RALGAPA1: variants seen among roughly 807,000 people sequenced by gnomAD.
RALGAPA1 encodes the protein Ral GTPase activating protein catalytic subunit alpha 1.
RALGAPA1 carries 52 observed loss-of-function variants against 269.6 expected under a neutral mutation model. That is an observed-to-expected ratio of 0.19 (90% CI 0.15 to 0.24). RALGAPA1 has a LOEUF of 0.24. Among genes scored for constraint, RALGAPA1 ranks in the 10% least tolerant of loss-of-function variants. The pLI is 1.00. For missense variants in RALGAPA1, 1,917 were observed against 3,013.9 expected (o/e 0.64, Z 8.52); for synonymous variants, 817 against 1,008.3 (o/e 0.81, Z 3.60).
chr14:35,720,752 C>A (rs560851032), intron 16 of RALGAPA1, among the ~76,000 whole-genome samples: 72 of 152,282 alleles, frequency 4.7e-4, no homozygotes, highest in Admixed American at 1.2e-3. Flanking sequence ...CATAGCAAGA[C>A]CCTGTCTCTA....
chr14:35,775,551 C>CA, intron 2 of RALGAPA1, 84 bp downstream of exon 2: 1 of 1,454,814 alleles, frequency 6.9e-7, no homozygotes, highest in Non-Finnish European at 9.1e-7. Context: ...ATAAGTGAAA[C>CA]AATATGTCCA....
chr14:35,723,227 A>G lies in RALGAPA1; in HGVS notation c.1904T>C (p.Val635Ala). Reference protein sequence around the residue: ...IVAWIKANLNVYISRELWDDL... With the variant: ...IVAWIKANLNAYISRELWDDL... ...ATCCCAAAGTTCTCGGGAGATGTAC[A>G]CATTTAGGTTTGCTTTGATCCAGGC... Residue 635 changes from valine to alanine, a missense_variant, in exon 15 of 42, where the codon GTG (valine) becomes GCG (alanine). Val to Ala is a moderately conservative substitution (Grantham distance 64, BLOSUM62 0). This residue lies in a region of RALGAPA1 where 40 missense variants were observed against 112.6 expected (regional missense o/e 0.36). Coordinates refer to ENST00000680220, the MANE Select transcript of RALGAPA1 (RefSeq NM_001346249.2). 1 of 1,612,792 alleles carries G rather than the reference A, an allele frequency of 6.2e-7. No homozygotes were observed. Among genetic ancestry groups the G allele is most frequent in the South Asian group, 1.1e-5 (1 of 91,042 alleles).
chr14:35,635,103 G>A (rs1262053397), intron 32 of RALGAPA1, among the ~76,000 whole-genome samples: 2 of 151,992 alleles, frequency 1.3e-5, no homozygotes, highest in Non-Finnish European at 2.9e-5. Context: ...TCCAGGAGAC[G>A]GAGGTTGCAG....
intron 11 of RALGAPA1, among the ~76,000 whole-genome samples, chr14:35,742,107 G>A (rs1013100049): frequency 2.0e-5 from 3 of 152,134 alleles, no homozygotes; most frequent in African/African-American, 7.2e-5. Context: ...CTTTATAACA[G>A]TACCTAATTT....
At chr14:35,795,308 G>C (rs183071279) in intron 1 of RALGAPA1, among the ~76,000 whole-genome samples, 1 of 152,038 alleles carries the variant, frequency 6.6e-6, no homozygotes. Context: ...GAGTTCACAC[G>C]ACACAGCACC....
intron 35 of RALGAPA1, among the ~76,000 whole-genome samples, chr14:35,606,835 T>C (rs540909605): frequency 4.6e-4 from 70 of 152,118 alleles, no homozygotes; most frequent in African/African-American, 1.7e-3. Context: ...AACCAAATTT[T>C]CCCACACGTC....
chr14:35,706,075 C>G (rs557838487), intron 16 of RALGAPA1, among the ~76,000 whole-genome samples: 2 of 152,080 alleles, frequency 1.3e-5, no homozygotes, highest in African/African-American at 4.8e-5. Flanking sequence ...AGATTTTCTC[C>G]CCATCTGTGA....
chr14:35,540,970 T>C (rs1043289642), intron 41 of RALGAPA1, among the ~76,000 whole-genome samples: 13 of 151,928 alleles, frequency 8.6e-5, no homozygotes, highest in Non-Finnish European at 1.6e-4. Flanking sequence ...AAACAAAAAG[T>C]TCAGTAAGGG....
chr14:35,808,725 C>A lies in RALGAPA1; in HGVS notation c.106+5G>T. The A allele has an allele frequency of 6.2e-7, 1 of 1,611,186 alleles. No homozygotes were observed. Among genetic ancestry groups the A allele is most frequent in the Non-Finnish European group, 8.5e-7 (1 of 1,178,822 alleles). The stretch of plus-strand genomic sequence containing the variant: ...GCCTCGGCGCTGCCACCCCTCGCTC[C>A]TCACCGATGACGATGCGCAGGTGCT... On this transcript the variant is annotated splice_donor_5th_base_variant and intron_variant, in intron 1 of 41. Coordinates refer to ENST00000680220, the MANE Select transcript of RALGAPA1 (RefSeq NM_001346249.2).
intron 1 of RALGAPA1, among the ~76,000 whole-genome samples, chr14:35,788,028 G>A (rs1205622098): frequency 6.6e-6 from 1 of 152,158 alleles, no homozygotes; most frequent in Non-Finnish European, 1.5e-5. Flanking sequence ...CTGGAGTGCA[G>A]TGGTGTGATC....
intron 37 of RALGAPA1, among the ~76,000 whole-genome samples, chr14:35,589,667 G>T (rs1460863647): frequency 1.3e-5 from 2 of 151,934 alleles, no homozygotes; most frequent in African/African-American, 4.8e-5. Flanking sequence ...TTATGCCCAT[G>T]GAGCCCTGAT....
chr14:35,700,108 C>T (rs2067222484), intron 17 of RALGAPA1, 54 bp downstream of exon 17: 1 of 1,450,890 alleles, frequency 6.9e-7, no homozygotes, highest in Non-Finnish European at 9.1e-7. Context: ...AATTTGAAAG[C>T]AGAGGATTAA....
chr14:35,775,784 T>C (rs750221281), intron 1 of RALGAPA1, 39 bp from the exon 2 acceptor site: 2 of 1,469,214 alleles, frequency 1.4e-6, no homozygotes, highest in South Asian at 1.5e-5. Flanking sequence ...TTTACATGTA[T>C]GTTAAATCAA....
Position 35,539,812 on chromosome 14 carries a change from A to G in RALGAPA1, c.*24-122T>C, listed in dbSNP as rs1429786643. Reference sequence around the variant, plus strand: ...CTTAATAAGATCTTTCGAGGGAAAAAGCAAGCCCCAAACTTGCTTGTTACA... The same window carrying G: ...CTTAATAAGATCTTTCGAGGGAAAAGGCAAGCCCCAAACTTGCTTGTTACA... On this transcript the variant is annotated intron_variant, in intron 41 of 41. Coordinates refer to ENST00000680220, the MANE Select transcript of RALGAPA1 (RefSeq NM_001346249.2). 7 of 1,414,144 alleles carry G rather than the reference A, an allele frequency of 4.9e-6. No homozygotes were observed. The African/African-American group carries it at 8.6e-5, about 17-fold the overall frequency. 87.6% of individuals were successfully genotyped at this position (1,414,144 alleles called of 1,614,324 possible).
chr14:35,671,344 C>T (rs45456501), intron 26 of RALGAPA1, 45 bp downstream of exon 26: 42,289 of 1,474,694 alleles, frequency 0.029, 762 homozygotes, highest in Non-Finnish European at 0.034. Flanking sequence ...TTAGTTGAAT[C>T]CTGGCTAAAG....
rs778519470 is a variant in RALGAPA1 at position 35,685,060 on chromosome 14, C to T, written c.4163G>A (p.Arg1388His). The change falls in exon 20 of 42, where the codon CGC becomes CAC. Residue 1388 changes from arginine (R) to histidine (H), a missense_variant. Around this residue, in one of 11 missense-constraint regions of RALGAPA1, gnomAD observed 615 missense variants for 790.0 expected, o/e 0.78. Coordinates refer to ENST00000680220, the MANE Select transcript of RALGAPA1 (RefSeq NM_001346249.2). ...PDILNKQNQMRPIDDPGVPSE... is the reference protein window; with the variant it reads ...PDILNKQNQMHPIDDPGVPSE... ...GGGCACACCTGGGTCATCAATAGGG[C>T]GCATCTGGTTCTGCTTGTTTAGAAT... 38 of 1,599,908 alleles carry T rather than the reference C, an allele frequency of 2.4e-5. No homozygotes were observed. The highest frequency in any genetic ancestry group is 1.6e-4 in the Middle Eastern group (1 of 6,064).
At chr14:35,671,290 G>A in intron 26 of RALGAPA1, 99 bp downstream of exon 26, 1 of 1,113,706 alleles carries the variant, frequency 9.0e-7, no homozygotes, top group Non-Finnish European at 1.2e-6. Context: ...CAATTAAATT[G>A]CAAAATTTCC....
intron 16 of RALGAPA1, chr14:35,716,046 T>A (rs912851152): frequency 1.2e-5 from 12 of 984,434 alleles, no homozygotes; most frequent in Non-Finnish European, 1.4e-5. Flanking sequence ...AATGACTTTT[T>A]AAAAAGCCCC....
intron 37 of RALGAPA1, among the ~76,000 whole-genome samples, chr14:35,573,078 A>G (rs1370700908): frequency 4.6e-5 from 7 of 152,198 alleles, no homozygotes; most frequent in African/African-American, 1.7e-4. Flanking sequence ...CAGTTGAGTA[A>G]GAGAAAGTTG....
Sources: gnomAD v4.1 joint callset for allele counts (sites outside exome capture counted in the v4.1 genomes callset) on GRCh38, gnomAD v4.1.1 for gene constraint, gnomAD v4.1.1 regional missense constraint, MANE v1.5 for transcripts, NCBI Gene and HGNC (gene_info 2026-07-23, HGNC 2026-07-21) for gene names.